Variants in CHCHD6 observed in about 807,000 individuals in gnomAD.
The protein encoded by CHCHD6 is MICOS complex subunit MIC25.
Under a neutral mutation model 32.3 loss-of-function variants are expected in CHCHD6, and 28 were observed. The ratio of observed to expected loss-of-function variants is 0.87; its 90% CI spans 0.64 to 1.19. The LOEUF (loss-of-function observed/expected upper bound fraction) is 1.19. Ranked by LOEUF, CHCHD6 falls within the 50% of genes most tolerant of loss-of-function variation. The pLI, the probability that CHCHD6 is intolerant of heterozygous loss-of-function variation, is 0.00. For synonymous variants in CHCHD6, 122 were observed against 117.5 expected (o/e 1.04, Z -0.25); for missense variants, 333 against 307.0 (o/e 1.08, Z -0.63).
At chr3:126,722,156 A>C (rs867320220) in intron 1 of CHCHD6, among the ~76,000 whole-genome samples, 1 of 152,102 alleles carries the variant, frequency 6.6e-6, no homozygotes, top group Non-Finnish European at 1.5e-5. Context: ...TTGACTTTAA[A>C]AATTTATTTA....
intron 5 of CHCHD6, among the ~76,000 whole-genome samples, chr3:126,865,953 C>G (rs1942275135): frequency 6.6e-6 from 1 of 152,146 alleles, no homozygotes; most frequent in Non-Finnish European, 1.5e-5. Flanking sequence ...GGCTGCACAC[C>G]TGCGCTTTGC....
At chr3:126,853,874 A>C (rs1941562308) in intron 5 of CHCHD6, among the ~76,000 whole-genome samples, 1 of 152,190 alleles carries the variant, frequency 6.6e-6, no homozygotes, top group African/African-American at 2.4e-5. Flanking sequence ...AAGGGTAAAA[A>C]AAATTCCACC....
intron 4 of CHCHD6, among the ~76,000 whole-genome samples, chr3:126,808,799 A>G (rs1939527957): frequency 6.6e-6 from 1 of 152,186 alleles, no homozygotes; most frequent in South Asian, 2.1e-4. Context: ...GGTGAGAGGA[A>G]TGAGCAGGAG....
chr3:126,847,364 C>G (rs979591215), intron 4 of CHCHD6, among the ~76,000 whole-genome samples: 4 of 152,116 alleles, frequency 2.6e-5, no homozygotes, highest in Admixed American at 6.5e-5. Flanking sequence ...CAGTGGCCAC[C>G]CTCAGTGTCT....
intron 5 of CHCHD6, chr3:126,865,477 A>C: frequency 2.7e-6 from 2 of 728,268 alleles, no homozygotes; most frequent in East Asian, 1.4e-4. Context: ...ACTTTCATCA[A>C]CTCCATCACC....
At chr3:126,870,094 G>A (rs1270282420) in intron 5 of CHCHD6, among the ~76,000 whole-genome samples, 6 of 152,170 alleles carry the variant, frequency 3.9e-5, no homozygotes, top group South Asian at 2.1e-4. Flanking sequence ...TGCTAACTGC[G>A]TTAGTTAACT....
intron 4 of CHCHD6, among the ~76,000 whole-genome samples, chr3:126,806,010 A>G (rs867028096): frequency 5.9e-5 from 9 of 151,464 alleles, no homozygotes; most frequent in East Asian, 3.9e-4. Context: ...GTAGAAAGCT[A>G]AAACTGGATC....
intron 6 of CHCHD6, among the ~76,000 whole-genome samples, chr3:126,925,307 A>G (rs2078307001): frequency 6.6e-6 from 1 of 152,202 alleles, no homozygotes; most frequent in Non-Finnish European, 1.5e-5. Flanking sequence ...CCCCCAGGAA[A>G]GGAGAAGGCT....
intron 6 of CHCHD6, among the ~76,000 whole-genome samples, chr3:126,942,686 G>A (rs188535699): frequency 3.9e-5 from 6 of 152,234 alleles, no homozygotes; most frequent in Admixed American, 3.9e-4. Context: ...CCTGGAGTCA[G>A]CCGTTTCTCC....
At chr3:126,946,329 T>C (rs1437561151) in intron 6 of CHCHD6, among the ~76,000 whole-genome samples, 1 of 152,196 alleles carries the variant, frequency 6.6e-6, no homozygotes, top group East Asian at 1.9e-4. Context: ...AAAGTGTGCA[T>C]TCTTTATTTT....
rs536335239 is a variant in CHCHD6 at position 126,960,110 on chromosome 3, G to C, written c.703-86G>C. On this transcript the variant is annotated intron_variant, in intron 7 of 7. Transcript: ENST00000290913. ...AACTCACAGCTGCTCCCTGGGAAGC[G>C]GTTGCTGTCACAGGGCGATCTGCAC... 4 of 1,492,936 alleles carry C rather than the reference G, an allele frequency of 2.7e-6. 1 individual carries two copies. The South Asian group carries it at 3.6e-5, about 14-fold the overall frequency. The allele number at this position is 1,492,936 out of a possible 1,614,324, so 92.5% of individuals were successfully genotyped here.
At chr3:126,936,458 T>C (rs1372998857) in intron 6 of CHCHD6, among the ~76,000 whole-genome samples, 1 of 152,222 alleles carries the variant, frequency 6.6e-6, no homozygotes, top group Non-Finnish European at 1.5e-5. Flanking sequence ...TTTCAAAGAC[T>C]TAATACCAAA....
intron 4 of CHCHD6, among the ~76,000 whole-genome samples, chr3:126,813,996 C>T (rs1939770503): frequency 6.6e-6 from 1 of 152,216 alleles, no homozygotes; most frequent in South Asian, 2.1e-4. Context: ...CAGGATAGAG[C>T]TCCCCAGAGG....
chr3:126,862,421 T>C (rs1483491171), intron 5 of CHCHD6, among the ~76,000 whole-genome samples: 129 of 35,640 alleles, frequency 3.6e-3, no homozygotes, highest in Middle Eastern at 0.029. Context: ...TCCTCCACCA[T>C]CACCACCTCC....
chr3:126,710,460 A>G (rs1559797285), intron 1 of CHCHD6, among the ~76,000 whole-genome samples: 2 of 152,192 alleles, frequency 1.3e-5, no homozygotes, highest in South Asian at 4.1e-4. Context: ...AAGTTTGTCA[A>G]CTTCTGCAAA....
At chr3:126,835,015 G>A (rs911965983) in intron 4 of CHCHD6, among the ~76,000 whole-genome samples, 2 of 152,196 alleles carry the variant, frequency 1.3e-5, no homozygotes, top group Non-Finnish European at 2.9e-5. Flanking sequence ...ACTAGGTCAA[G>A]GAAAAGTGTT....
intron 1 of CHCHD6, among the ~76,000 whole-genome samples, chr3:126,718,489 T>C (rs1935128679): frequency 6.6e-6 from 1 of 152,192 alleles, no homozygotes; most frequent in Admixed American, 6.5e-5. Context: ...ACACAGCTGG[T>C]ATGCAGCTTA....
At chr3:126,833,975 A>G (rs1940746984) in intron 4 of CHCHD6, among the ~76,000 whole-genome samples, 1 of 140,166 alleles carries the variant, frequency 7.1e-6, no homozygotes, top group South Asian at 2.3e-4. Flanking sequence ...AATGGCGTGA[A>G]CCCGGGAGGC....
chr3:126,927,823 G>A (rs896107244), intron 6 of CHCHD6, among the ~76,000 whole-genome samples: 1 of 152,168 alleles, frequency 6.6e-6, no homozygotes, highest in African/African-American at 2.4e-5. Context: ...ATTGCTGTTA[G>A]ATTTATTTTC....
Sources: gnomAD v4.1 joint callset for allele counts (sites outside exome capture counted in the v4.1 genomes callset) on GRCh38, gnomAD v4.1.1 for gene constraint, MANE v1.5 for transcripts, NCBI Gene and HGNC (gene_info 2026-07-23, HGNC 2026-07-21) for gene names.